NR3C1: variants seen among roughly 807,000 people sequenced by gnomAD.
NR3C1 encodes nuclear receptor subfamily 3 group C member 1, also known as glucocorticoid receptor.
In NR3C1, 14 loss-of-function variants were observed where a neutral mutation model predicts 74.0. The observed-to-expected ratio is 0.19, with a 90% CI of 0.12 to 0.30. NR3C1 has a LOEUF of 0.30. NR3C1 is among the 10% of genes least tolerant of loss of function. The probability of loss-of-function intolerance (pLI) is 1.00; values close to 1 mark genes in which losing one functional copy is unlikely to be tolerated. For missense variants in NR3C1, 695 were observed against 909.8 expected (o/e 0.76, Z 3.04); for synonymous variants, 308 against 332.5 (o/e 0.93, Z 0.80).
chr5:143,351,782 C>A (rs1407824591), intron 2 of NR3C1, among the ~76,000 whole-genome samples: 1 of 152,148 alleles, frequency 6.6e-6, no homozygotes, highest in African/African-American at 2.4e-5. Context: ...TTCTCCCCAG[C>A]AATCCTGTAG....
chr5:143,300,838 T>C lies in NR3C1; in HGVS notation c.1469-75A>G. 7.6e-7 allele frequency: 1 copy of C among 1,315,726 alleles called. No homozygotes were observed. Among genetic ancestry groups the C allele is most frequent in the Non-Finnish European group, 1.1e-6 (1 of 941,844 alleles). The allele number at this position is 1,315,726 out of a possible 1,614,324, so 81.5% of individuals were successfully genotyped here. ...TGCGCTACACAGTTTATTCAAGAAG[T>C]ATTTTTACTTTCTAAAACTATTAAG... is the stretch of plus-strand genomic sequence containing the variant. On this transcript the variant is annotated intron_variant, in intron 4 of 8. Coordinates refer to ENST00000394464, the MANE Select transcript of NR3C1 (RefSeq NM_000176.3). This position sits in a 1 kb window ranked among gnomAD's most constrained non-coding sequence, Gnocchi z 5.2.
At chr5:143,290,505 A>AATAGCAT (rs1235625047) in intron 7 of NR3C1, among the ~76,000 whole-genome samples, 1 of 152,194 alleles carries the variant, frequency 6.6e-6, no homozygotes, top group Admixed American at 6.5e-5. Context: ...GCTTTTTTTA[A>AATAGCAT]ATAGCATAAA....
intron 1 of NR3C1, 85 bp from the exon 2 acceptor site, chr5:143,400,937 G>A (rs761450121): frequency 4.1e-5 from 42 of 1,027,548 alleles, no homozygotes; most frequent in South Asian, 2.2e-4. Flanking sequence ...GTAAGAGGCA[G>A]CTTGTTAAAT....
chr5:143,343,252 A>C (rs1313186596), intron 2 of NR3C1, among the ~76,000 whole-genome samples: 1 of 152,178 alleles, frequency 6.6e-6, no homozygotes, highest in Non-Finnish European at 1.5e-5. Flanking sequence ...TCTATCACCA[A>C]CTCACAGGGT....
intron 2 of NR3C1, among the ~76,000 whole-genome samples, chr5:143,385,154 G>A (rs1836956984): frequency 6.6e-6 from 1 of 152,226 alleles, no homozygotes; most frequent in African/African-American, 2.4e-5. Flanking sequence ...TGGAGCTAGA[G>A]CAGCTGGGAT....
At position 143,403,660 on chromosome 5, in the gene NR3C1, ACCGAGCGGGG is replaced by A; in HGVS notation, c.-473_-464del. On this transcript the variant is annotated 5_prime_UTR_variant, in exon 1 of 9. Coordinates refer to ENST00000394464, the MANE Select transcript of NR3C1 (RefSeq NM_000176.3). ...AGCCCGGCCTGGGCGAGCGAGCGGG[ACCGAGCGGGG>A]AGCGGGTGGAGGCGGCGCCACGGCG... is the stretch of plus-strand genomic sequence containing the variant. The A allele has an allele frequency of 1.0e-6, 1 of 985,312 alleles. No individual in the cohort carries two copies. Among genetic ancestry groups the A allele is most frequent in the Non-Finnish European group, 1.2e-6 (1 of 829,834 alleles). The allele number at this position is 985,312 out of a possible 1,614,324, so 61.0% of individuals were successfully genotyped here. A position where few individuals can be genotyped will look rare whatever the true frequency, so the allele number is the denominator to read the frequency against.
At chr5:143,321,498 A>G (rs1466268733) in intron 2 of NR3C1, among the ~76,000 whole-genome samples, 1 of 152,196 alleles carries the variant, frequency 6.6e-6, no homozygotes, top group Non-Finnish European at 1.5e-5. Flanking sequence ...GATACTAAGT[A>G]GTCCTTCTGG....
intron 2 of NR3C1, among the ~76,000 whole-genome samples, chr5:143,335,353 T>C (rs1197014403): frequency 6.6e-6 from 1 of 152,256 alleles, no homozygotes; most frequent in East Asian, 1.9e-4. Flanking sequence ...CTAAGATTAT[T>C]GTTGTAAATT....
In NR3C1 at chr5:143,416,817, C is replaced by G. The variant is rs188482159; in HGVS notation, c.-13-15965G>C. ...CTTTACCTGCTTCACAAGTTTGGCTCGAGTTTCCTTTTAATGATTAACTAG... is the reference window on the plus strand; with the variant it reads ...CTTTACCTGCTTCACAAGTTTGGCTGGAGTTTCCTTTTAATGATTAACTAG... On this transcript the variant is annotated intron_variant, in intron 1 of 8. Transcript: ENST00000343796. 1.3e-3 allele frequency among the ~76,000 whole-genome samples: 197 copies of G among 152,258 alleles called. 3 individuals are homozygous for G. The East Asian group carries it at 0.03, about 23-fold the overall frequency.
At chr5:143,305,807 TTCAA>T (rs1819476645) in intron 4 of NR3C1, among the ~76,000 whole-genome samples, 1 of 152,066 alleles carries the variant, frequency 6.6e-6, no homozygotes, top group Non-Finnish European at 1.5e-5. Context: ...AGATGAAAGG[TTCAA>T]TCATACTCCA....
In NR3C1 at chr5:143,279,871, T is replaced by C. The variant is rs1222988632; in HGVS notation, c.*2018A>G. ...CGCTATTAGATGGTGCCTTTAAGGA[T>C]GTAAGCACCACCTTCCTGTCTCCTG... On this transcript the variant is annotated 3_prime_UTR_variant, in exon 9 of 9. Coordinates refer to ENST00000394464, the MANE Select transcript of NR3C1 (RefSeq NM_000176.3). 1 of 156,438 alleles carries C rather than the reference T, an allele frequency of 6.4e-6. No homozygotes were observed. The highest frequency in any genetic ancestry group is 2.4e-5 in the African/African-American group (1 of 41,496). The allele number at this position is 156,438 out of a possible 1,614,324, so 9.7% of individuals were successfully genotyped here.
chr5:143,341,426 C>G (rs891951500), intron 2 of NR3C1, among the ~76,000 whole-genome samples: 2 of 152,076 alleles, frequency 1.3e-5, no homozygotes, highest in Non-Finnish European at 2.9e-5. Context: ...GAGCTGAAAA[C>G]AAAAGTCAGT....
In NR3C1 at chr5:143,306,398, G is replaced by T. The variant is rs578053937; in HGVS notation, c.1468+3699C>A. On this transcript the variant is annotated intron_variant, in intron 4 of 8. Coordinates refer to ENST00000394464, the MANE Select transcript of NR3C1 (RefSeq NM_000176.3). ...GTGAAACACATGGCTCATCTGTATT[G>T]TAAGTGTTAGGGTCTGCCAAAGATT... Among the ~76,000 whole-genome samples, 6 of 152,308 alleles carry T rather than the reference G, an allele frequency of 3.9e-5. No individual in the cohort carries two copies. In the East Asian group the frequency reaches 9.6e-4, roughly 24 times the overall value.
intron 7 of NR3C1, chr5:143,294,081 T>A (rs757521943): frequency 1.4e-5 from 14 of 984,590 alleles, no homozygotes; most frequent in Non-Finnish European, 1.7e-5. Flanking sequence ...CTTATATCCA[T>A]TAACATAAAA....
intron 2 of NR3C1, among the ~76,000 whole-genome samples, chr5:143,364,531 C>T (rs528390260): frequency 3.3e-5 from 5 of 152,106 alleles, no homozygotes; most frequent in Admixed American, 6.5e-5. Context: ...TTCTCCGTAT[C>T]GGATTCTAAA....
At chr5:143,356,333 G>A (rs1454637419) in intron 2 of NR3C1, among the ~76,000 whole-genome samples, 1 of 152,028 alleles carries the variant, frequency 6.6e-6, no homozygotes, top group Non-Finnish European at 1.5e-5. Context: ...CATAAAGACT[G>A]AGAGCTTAAT....
intron 2 of NR3C1, among the ~76,000 whole-genome samples, chr5:143,321,554 CT>C (rs760800746): frequency 7.9e-5 from 12 of 152,174 alleles, no homozygotes; most frequent in Non-Finnish European, 1.5e-4. Context: ...TGCTAAAACT[CT>C]TTTCTCAACA....
chr5:143,415,847 C>T (rs1460011493), intron 1 of NR3C1, among the ~76,000 whole-genome samples: 1 of 152,126 alleles, frequency 6.6e-6, no homozygotes, highest in Non-Finnish European at 1.5e-5. Context: ...TTTAAAAATG[C>T]TTGTCCACTA....
chr5:143,367,613 A>T (rs1477826590), intron 2 of NR3C1, among the ~76,000 whole-genome samples: 1 of 152,234 alleles, frequency 6.6e-6, no homozygotes, highest in Non-Finnish European at 1.5e-5. Context: ...AGTAGCAATG[A>T]ACAATCTTAA....
Sources: gnomAD v4.1 joint callset for allele counts (sites outside exome capture counted in the v4.1 genomes callset) on GRCh38, gnomAD v4.1.1 for gene constraint, Gnocchi (gnomAD v3.1) non-coding constraint, MANE v1.5 for transcripts, NCBI Gene and HGNC (gene_info 2026-07-23, HGNC 2026-07-21) for gene names.